CCDC88A: variants seen among roughly 807,000 people sequenced by gnomAD.
CCDC88A encodes the protein coiled-coil and HOOK domain protein 88A, also known as girdin.
CCDC88A carries 54 observed loss-of-function variants against 234.3 expected under a neutral mutation model. The ratio of observed to expected loss-of-function variants is 0.23; its 90% CI spans 0.19 to 0.29. CCDC88A has a LOEUF of 0.29. CCDC88A is among the 10% of genes least tolerant of loss of function. The pLI is 1.00. For missense variants in CCDC88A, 1,832 were observed against 2,123.4 expected (o/e 0.86, Z 2.70); for synonymous variants, 753 against 737.8 (o/e 1.02, Z -0.33).
Position 55,313,849 on chromosome 2 carries a change from T to TCCAA in CCDC88A, c.3934-1271_3934-1270insTTGG. On this transcript the variant is annotated intron_variant, in intron 22 of 32. Coordinates refer to ENST00000436346, the MANE Select transcript of CCDC88A (RefSeq NM_001365480.1). The stretch of plus-strand genomic sequence containing the variant: ...AGATCTGTAACTGTGAATATCATAC[T>TCCAA]ACGTTGGTTTTATTTATCTGTATGT... 1.3e-5 allele frequency: 2 copies of TCCAA among 152,350 alleles called. 1 individual carries two copies. 9.4% of individuals were successfully genotyped at this position (152,350 alleles called of 1,614,324 possible).
At chr2:55,311,532 T>A (rs1003481612) in intron 23 of CCDC88A, among the ~76,000 whole-genome samples, 5 of 152,212 alleles carry the variant, frequency 3.3e-5, no homozygotes, top group Non-Finnish European at 7.3e-5. Context: ...AAGTGTCATC[T>A]CTATTTTAAA....
rs555492924 is a variant in CCDC88A, at chr2:55,350,981, T to C, written c.801-1382A>G. On this transcript the variant is annotated intron_variant, in intron 8 of 32. Coordinates refer to ENST00000436346, the MANE Select transcript of CCDC88A (RefSeq NM_001365480.1). ...ACCATAATTTTTAATGGTAGAAAAA[T>C]ATTCCCTTTGCTAGAGAAACCATAC... is the stretch of plus-strand genomic sequence containing the variant. 4.8e-4 allele frequency among the ~76,000 whole-genome samples: 73 copies of C among 152,314 alleles called. 1 individual carries two copies. Among genetic ancestry groups the C allele is most frequent in the African/African-American group, 1.6e-3 (66 of 41,568 alleles).
Position 55,289,467 on chromosome 2 carries a change from C to T in CCDC88A, c.*1733G>A, listed in dbSNP as rs1332617143. 6.6e-6 allele frequency: 1 copy of T among 152,334 alleles called. No individual in the cohort carries two copies. Among genetic ancestry groups the T allele is most frequent in the African/African-American group, 2.4e-5 (1 of 41,428 alleles). The allele number at this position is 152,334 out of a possible 1,614,324, so 9.4% of individuals were successfully genotyped here. On this transcript the variant is annotated 3_prime_UTR_variant, in exon 33 of 33. Transcript: ENST00000436346. ...GGAGTTATGAGAGAGAGAGATGTTT[C>T]AAAGTCTACGGAAAAGGTTTTAGAT...
At chr2:55,364,478 A>G (rs1671708846) in intron 5 of CCDC88A, among the ~76,000 whole-genome samples, 1 of 152,092 alleles carries the variant, frequency 6.6e-6, no homozygotes, top group Non-Finnish European at 1.5e-5. Context: ...TCTTGGAAAA[A>G]AAATTTAAGC....
At chr2:55,327,646 C>T (rs1465045927) in intron 17 of CCDC88A, among the ~76,000 whole-genome samples, 1 of 152,156 alleles carries the variant, frequency 6.6e-6, no homozygotes, top group Non-Finnish European at 1.5e-5. Flanking sequence ...ACCTTGAGAC[C>T]ACTCCTGGTG....
intron 2 of CCDC88A, chr2:55,405,142 A>C (rs1679335714): frequency 6.6e-6 from 1 of 152,250 alleles, no homozygotes; most frequent in Non-Finnish European, 1.5e-5. Context: ...ACCATTTCCC[A>C]AATCATACAT....
chr2:55,316,188 G>T, intron 21 of CCDC88A, 74 bp from the exon 22 acceptor site: 2 of 565,414 alleles, frequency 3.5e-6, no homozygotes, highest in South Asian at 4.8e-5. Context: ...AATATGAAAT[G>T]ATATAAATAA....
Position 55,387,233 on chromosome 2 carries a change from C to T in CCDC88A, c.273+1545G>A, listed in dbSNP as rs536169593. Among the ~76,000 whole-genome samples, 21 of 145,350 alleles carry T rather than the reference C, an allele frequency of 1.4e-4. No individual in the cohort carries two copies. In the South Asian group the frequency reaches 2.2e-3, roughly 15 times the overall value. On this transcript the variant is annotated intron_variant, in intron 3 of 32. Coordinates refer to ENST00000436346, the MANE Select transcript of CCDC88A (RefSeq NM_001365480.1). Reference sequence around the variant, plus strand: ...TGGTTTTATTTATTTAATAGTACTTCTCAATATTTAATTTGTAGGGTAAAG... The same window carrying T: ...TGGTTTTATTTATTTAATAGTACTTTTCAATATTTAATTTGTAGGGTAAAG...
At chr2:55,294,976 G>C (rs933925459) in intron 31 of CCDC88A, 10 of 1,197,742 alleles carry the variant, frequency 8.3e-6, no homozygotes, top group Non-Finnish European at 1.1e-5. Flanking sequence ...CTAGCCAAAT[G>C]ATATTTTGTT....
intron 4 of CCDC88A, among the ~76,000 whole-genome samples, chr2:55,374,245 A>G (rs1378736279): frequency 6.6e-6 from 1 of 152,096 alleles, no homozygotes; most frequent in Non-Finnish European, 1.5e-5. Context: ...GACCACGCCT[A>G]TAATTCCAGC....
intron 25 of CCDC88A, among the ~76,000 whole-genome samples, chr2:55,304,395 T>C (rs17046835): frequency 0.032 from 4,928 of 152,292 alleles, 256 homozygotes; most frequent in African/African-American, 0.1. Flanking sequence ...AACTGGATTC[T>C]GGTGCATTAT....
chr2:55,390,868 A>G (rs1471294987), intron 2 of CCDC88A, among the ~76,000 whole-genome samples: 1 of 152,204 alleles, frequency 6.6e-6, no homozygotes, highest in African/African-American at 2.4e-5. Flanking sequence ...GCATGAATGT[A>G]GTGGCTCATG....
rs370254361 is a variant in CCDC88A at position 55,363,932 on chromosome 2, T to C, written c.486+18A>G. ...CAAGCTTCATAAATAGCACGTAAAA[T>C]TGTATATATGTCATTACCTCTTGAA... is the stretch of plus-strand genomic sequence containing the variant. On this transcript the variant is annotated intron_variant, in intron 6 of 32. Coordinates refer to ENST00000436346, the MANE Select transcript of CCDC88A (RefSeq NM_001365480.1). 26 of 1,422,806 alleles carry C rather than the reference T, an allele frequency of 1.8e-5. No homozygotes were observed. In the African/African-American group the frequency reaches 3.1e-4, roughly 17 times the overall value. The allele number at this position is 1,422,806 out of a possible 1,614,324, so 88.1% of individuals were successfully genotyped here. A position where few individuals can be genotyped will look rare whatever the true frequency, so the allele number is the denominator to read the frequency against.
At chr2:55,304,667 G>C (rs1356468713) in intron 25 of CCDC88A, among the ~76,000 whole-genome samples, 1 of 152,096 alleles carries the variant, frequency 6.6e-6, no homozygotes, top group East Asian at 1.9e-4. Flanking sequence ...ATTTGATTTT[G>C]TGAATAAAAG....
intron 27 of CCDC88A, 199 bp from the exon 28 acceptor site, chr2:55,301,476 G>A: frequency 1.9e-6 from 1 of 523,180 alleles, no homozygotes. Flanking sequence ...CTTGCTTAGG[G>A]AAAACACCAA....
chr2:55,385,772 G>C (rs1242717962), intron 3 of CCDC88A, among the ~76,000 whole-genome samples: 1 of 128,462 alleles, frequency 7.8e-6, no homozygotes, highest in Non-Finnish European at 1.6e-5. Flanking sequence ...AGAATCCCTT[G>C]AATCCGGGAG....
chr2:55,393,565 A>G (rs1171712759), intron 2 of CCDC88A, among the ~76,000 whole-genome samples: 1 of 151,990 alleles, frequency 6.6e-6, no homozygotes, highest in Non-Finnish European at 1.5e-5. Context: ...AAGTGCTGGG[A>G]TTACAGGCAT....
intron 6 of CCDC88A, 54 bp downstream of exon 6, chr2:55,363,896 T>TA: frequency 1.0e-6 from 1 of 962,162 alleles, no homozygotes. Flanking sequence ...GATAGACAAA[T>TA]AAACACACCA....
In CCDC88A at chr2:55,304,453, A is replaced by T. The variant is rs138348270; in HGVS notation, c.4388-1301T>A. 2.8e-3 allele frequency among the ~76,000 whole-genome samples: 422 copies of T among 152,338 alleles called. 2 individuals carry two copies. Among genetic ancestry groups the T allele is most frequent in the African/African-American group, 9.4e-3 (391 of 41,580 alleles). ...AATTCTTTTGACCAGAGTATTTCTA[A>T]AGATTAAATAAACAATCACATTAAG... On this transcript the variant is annotated intron_variant, in intron 25 of 32. Transcript: ENST00000436346.
Sources: gnomAD v4.1 joint callset for allele counts (sites outside exome capture counted in the v4.1 genomes callset) on GRCh38, gnomAD v4.1.1 for gene constraint, MANE v1.5 for transcripts, NCBI Gene and HGNC (gene_info 2026-07-23, HGNC 2026-07-21) for gene names.